ZMYM4: variants seen among roughly 807,000 people sequenced by gnomAD.
The protein encoded by ZMYM4 is zinc finger MYM-type containing 4.
Under a neutral mutation model 183.2 loss-of-function variants are expected in ZMYM4, and 31 were observed. The ratio of observed to expected loss-of-function variants is 0.17; its 90% CI spans 0.13 to 0.23. The LOEUF (loss-of-function observed/expected upper bound fraction) is 0.23, where lower values mean the gene tolerates loss of function less well. ZMYM4 is among the 10% of genes least tolerant of loss of function. The pLI, the probability that ZMYM4 is intolerant of heterozygous loss-of-function variation, is 1.00. For synonymous variants in ZMYM4, 592 were observed against 631.2 expected (o/e 0.94, Z 0.93); for missense variants, 1,273 against 1,840.3 (o/e 0.69, Z 5.64).
At chr1:35,363,140 C>T (rs1049162722) in intron 5 of ZMYM4, among the ~76,000 whole-genome samples, 7 of 152,162 alleles carry the variant, frequency 4.6e-5, no homozygotes, top group African/African-American at 9.7e-5. Flanking sequence ...CACTGCCCTC[C>T]GGCTTGGATG....
At position 35,337,492 on chromosome 1, in the gene ZMYM4, A is replaced by G. The variant is rs1245593258; in HGVS notation, c.85+12087A>G. On this transcript the variant is annotated intron_variant, in intron 2 of 29. Coordinates refer to ENST00000314607, the MANE Select transcript of ZMYM4 (RefSeq NM_005095.3). Reference sequence around the variant, plus strand: ...TCTTTATAACATATAAGAAATTAATATGTATGCAATTCAGTATAAGATGTG... The same window carrying G: ...TCTTTATAACATATAAGAAATTAATGTGTATGCAATTCAGTATAAGATGTG... Among the ~76,000 whole-genome samples, 18 of 152,182 alleles carry G rather than the reference A, an allele frequency of 1.2e-4. 1 individual carries two copies. The highest frequency in any genetic ancestry group is 1.1e-3 in the Admixed American group (17 of 15,280).
chr1:35,406,464 T>G (rs1211737162), intron 25 of ZMYM4, among the ~76,000 whole-genome samples: 2 of 152,072 alleles, frequency 1.3e-5, no homozygotes, highest in Admixed American at 6.5e-5. Context: ...GAGGCTGCAG[T>G]GAGCTATGAT....
chr1:35,402,314 T>A (rs1214925335), intron 23 of ZMYM4, among the ~76,000 whole-genome samples: 1 of 152,162 alleles, frequency 6.6e-6, no homozygotes, highest in Admixed American at 6.6e-5. Flanking sequence ...TAAATTGTAT[T>A]ATTTTTAAAT....
intron 1 of ZMYM4, among the ~76,000 whole-genome samples, chr1:35,304,252 C>T (rs1314256601): frequency 1.3e-5 from 2 of 152,112 alleles, no homozygotes; most frequent in Admixed American, 1.3e-4. Context: ...TCTCGAACTC[C>T]TGACCTAGTG....
chr1:35,282,171 CTT>C (rs1020211534), intron 1 of ZMYM4, among the ~76,000 whole-genome samples: 2 of 152,180 alleles, frequency 1.3e-5, no homozygotes, highest in African/African-American at 4.8e-5. Flanking sequence ...TAATGAGTGT[CTT>C]TTAAAATTCA....
At chr1:35,381,460 G>T (rs2148965305) in intron 8 of ZMYM4, 27 bp downstream of exon 8, 2 of 1,605,040 alleles carry the variant, frequency 1.2e-6, no homozygotes, top group Non-Finnish European at 1.7e-6. Context: ...CTTTATTGGG[G>T]CAGGAGTCTA....
chr1:35,353,509 C>G (rs1487646505), intron 2 of ZMYM4, among the ~76,000 whole-genome samples: 3 of 152,084 alleles, frequency 2.0e-5, no homozygotes, highest in Non-Finnish European at 4.4e-5. Flanking sequence ...ATCACTCTTC[C>G]TCTCATACAT....
intron 1 of ZMYM4, among the ~76,000 whole-genome samples, chr1:35,273,028 A>G (rs1639695744): frequency 6.6e-6 from 1 of 152,142 alleles, no homozygotes; most frequent in Admixed American, 6.5e-5. Context: ...ACTGCATTTT[A>G]AGACCATTGG....
chr1:35,269,883 T>C (rs1192189336), intron 1 of ZMYM4, among the ~76,000 whole-genome samples: 1 of 152,200 alleles, frequency 6.6e-6, no homozygotes, highest in Non-Finnish European at 1.5e-5. Context: ...GATTGAGCAA[T>C]ATCCCTCACT....
chr1:35,347,511 T>C (rs1292786128), intron 2 of ZMYM4, among the ~76,000 whole-genome samples: 3 of 152,162 alleles, frequency 2.0e-5, no homozygotes, highest in African/African-American at 7.2e-5. Context: ...TATTTTAACA[T>C]TGCTTTCTTT....
chr1:35,284,255 C>T (rs549468204), intron 1 of ZMYM4, among the ~76,000 whole-genome samples: 48 of 151,816 alleles, frequency 3.2e-4, no homozygotes, highest in African/African-American at 9.4e-4. Flanking sequence ...GGATTACAGG[C>T]GTGAGCCACC....
At chr1:35,348,880 A>G (rs1643492938) in intron 2 of ZMYM4, among the ~76,000 whole-genome samples, 1 of 152,246 alleles carries the variant, frequency 6.6e-6, no homozygotes, top group Non-Finnish European at 1.5e-5. Context: ...TGCTTTAGAA[A>G]AACTAAGCAA....
intron 26 of ZMYM4, among the ~76,000 whole-genome samples, chr1:35,413,629 G>A (rs1640000549): frequency 7.0e-6 from 1 of 143,534 alleles, no homozygotes; most frequent in Non-Finnish European, 1.5e-5. Context: ...GGAAAAACAT[G>A]ATTTGGAACG....
chr1:35,398,710 T>C (rs1644850857), intron 21 of ZMYM4, among the ~76,000 whole-genome samples, 154 bp from the exon 22 acceptor site: 1 of 152,244 alleles, frequency 6.6e-6, no homozygotes, highest in African/African-American at 2.4e-5. Context: ...TCTTTGAGAC[T>C]GATGAACAAG....
intron 3 of ZMYM4, 113 bp from the exon 4 acceptor site, chr1:35,361,081 C>T (rs1643926739): frequency 3.4e-6 from 3 of 889,736 alleles, no homozygotes; most frequent in Non-Finnish European, 4.9e-6. Flanking sequence ...CTCTAACGAG[C>T]ATCTTTGTTG....
Position 35,387,674 on chromosome 1 carries a change from C to T in ZMYM4, c.2263+70C>T, listed in dbSNP as rs1236751112. On this transcript the variant is annotated intron_variant, in intron 13 of 29. Coordinates refer to ENST00000314607, the MANE Select transcript of ZMYM4 (RefSeq NM_005095.3). Reference sequence around the variant, plus strand: ...TTAAAGCAGTTGATGATGATTTAAGCTTTCACTGTCTAAGTTAATCTGTTT... The same window carrying T: ...TTAAAGCAGTTGATGATGATTTAAGTTTTCACTGTCTAAGTTAATCTGTTT... The T allele has an allele frequency of 9.5e-6, 14 of 1,469,444 alleles. No homozygotes were observed. In the East Asian group the frequency reaches 1.1e-4, roughly 12 times the overall value. 91.0% of individuals were successfully genotyped at this position (1,469,444 alleles called of 1,614,324 possible).
At chr1:35,297,622 A>G (rs1003414962) in intron 1 of ZMYM4, among the ~76,000 whole-genome samples, 3 of 152,246 alleles carry the variant, frequency 2.0e-5, no homozygotes, top group Non-Finnish European at 2.9e-5. Context: ...TTCATCTCAC[A>G]TAACAGACTT....
intron 1 of ZMYM4, among the ~76,000 whole-genome samples, chr1:35,282,916 G>A (rs1025871183): frequency 7.0e-6 from 1 of 143,448 alleles, no homozygotes; most frequent in African/African-American, 2.5e-5. Context: ...ATTTGCACCA[G>A]CAATGCATGA....
At chr1:35,379,671 A>G (rs1644410463) in intron 7 of ZMYM4, among the ~76,000 whole-genome samples, 1 of 152,220 alleles carries the variant, frequency 6.6e-6, no homozygotes. Context: ...CTTCCTCACT[A>G]AGAGTAATCA....
Sources: allele counts gnomAD v4.1 joint callset (sites outside exome capture counted in the v4.1 genomes callset), GRCh38; gene constraint gnomAD v4.1.1; transcripts MANE v1.5; gene names NCBI Gene and HGNC (gene_info 2026-07-23, HGNC 2026-07-21).